The following GALNTL6 variants were observed in gnomAD, a reference collection of about 807,000 sequenced individuals.
GALNTL6 encodes polypeptide N-acetylgalactosaminyltransferase-like 6.
GALNTL6 carries 46 observed loss-of-function variants against 73.7 expected under a neutral mutation model. The ratio of observed to expected loss-of-function variants is 0.62; its 90% CI spans 0.49 to 0.80. The LOEUF (loss-of-function observed/expected upper bound fraction) is 0.80. GALNTL6 is among the 30% of genes least tolerant of loss of function. The pLI, the probability that GALNTL6 is intolerant of heterozygous loss-of-function variation, is 0.00. For synonymous variants in GALNTL6, 259 were observed against 263.7 expected (o/e 0.98, Z 0.17); for missense variants, 604 against 755.0 (o/e 0.80, Z 2.34).
chr4:172,211,883 C>T (rs1233708500), intron 2 of GALNTL6, among the ~76,000 whole-genome samples: 1 of 152,200 alleles, frequency 6.6e-6, no homozygotes, highest in Admixed American at 6.5e-5. Flanking sequence ...GTGAAAACTT[C>T]ATGACTTAAT....
intron 2 of GALNTL6, among the ~76,000 whole-genome samples, chr4:171,827,030 A>C (rs763712471): frequency 4.6e-5 from 7 of 152,154 alleles, no homozygotes; most frequent in Non-Finnish European, 8.8e-5. Context: ...AGTTTATTCA[A>C]ATGCAAAACT....
At chr4:173,013,245 T>A (rs1011577020) in intron 11 of GALNTL6, among the ~76,000 whole-genome samples, 1 of 152,168 alleles carries the variant, frequency 6.6e-6, no homozygotes, top group African/African-American at 2.4e-5. Context: ...TCGGTAAGGC[T>A]GGCATCTAGA....
chr4:172,572,717 A>G (rs1027556607), intron 5 of GALNTL6, among the ~76,000 whole-genome samples: 18 of 152,038 alleles, frequency 1.2e-4, no homozygotes, highest in East Asian at 3.9e-4. Context: ...ACATGTTGTT[A>G]TTTCATTTTT....
chr4:172,423,137 A>C (rs1223986858), intron 5 of GALNTL6, among the ~76,000 whole-genome samples: 5 of 151,546 alleles, frequency 3.3e-5, no homozygotes, highest in Non-Finnish European at 5.9e-5. Context: ...CTACATCTCC[A>C]CTCTAGTCTG....
At chr4:172,647,450 G>T (rs970128868) in intron 5 of GALNTL6, among the ~76,000 whole-genome samples, 1 of 151,924 alleles carries the variant, frequency 6.6e-6, no homozygotes, top group Admixed American at 6.6e-5. Context: ...GTGAGAGCAG[G>T]GTAAGAGTAA....
At chr4:172,117,177 C>T (rs2110990009) in intron 2 of GALNTL6, among the ~76,000 whole-genome samples, 1 of 152,274 alleles carries the variant, frequency 6.6e-6, no homozygotes, top group Middle Eastern at 3.4e-3. Context: ...GTAATTCTAA[C>T]TCTCACATCC....
intron 7 of GALNTL6, among the ~76,000 whole-genome samples, chr4:172,825,759 A>G (rs976068211): frequency 6.6e-6 from 1 of 152,220 alleles, no homozygotes; most frequent in African/African-American, 2.4e-5. Context: ...GGGAAACTGT[A>G]GGGGAAAGCT....
chr4:172,546,292 A>C (rs188324578), intron 5 of GALNTL6, among the ~76,000 whole-genome samples: 17 of 152,276 alleles, frequency 1.1e-4, no homozygotes, highest in Admixed American at 3.3e-4. Flanking sequence ...ACTTTTATTG[A>C]GGTCCTACAG....
At chr4:172,908,810 G>C (rs1747040135) in intron 8 of GALNTL6, among the ~76,000 whole-genome samples, 1 of 151,222 alleles carries the variant, frequency 6.6e-6, no homozygotes, top group African/African-American at 2.4e-5. Context: ...CACAAAAAAA[G>C]ACTTGAAAAA....
At chr4:172,347,530 G>A (rs1265718354) in intron 4 of GALNTL6, among the ~76,000 whole-genome samples, 1 of 152,198 alleles carries the variant, frequency 6.6e-6, no homozygotes, top group Admixed American at 6.5e-5. Flanking sequence ...AGAATCAATG[G>A]CTCTGCATAA....
chr4:172,028,178 TATAGTGATG>T (rs1401180390), intron 2 of GALNTL6, among the ~76,000 whole-genome samples: 2 of 151,938 alleles, frequency 1.3e-5, no homozygotes, highest in African/African-American at 4.8e-5. Context: ...TGATATATTA[TATAGTGATG>T]ATATAGAAAC....
intron 5 of GALNTL6, among the ~76,000 whole-genome samples, chr4:172,430,744 G>C (rs750262096): frequency 7.9e-5 from 12 of 152,062 alleles, no homozygotes; most frequent in Non-Finnish European, 1.3e-4. Flanking sequence ...GTTTGAGGCT[G>C]CAGTGAGCTC....
intron 2 of GALNTL6, among the ~76,000 whole-genome samples, chr4:172,130,941 C>T (rs1446028560): frequency 3.3e-5 from 5 of 152,086 alleles, no homozygotes; most frequent in Non-Finnish European, 7.4e-5. Flanking sequence ...TATGCACCCT[C>T]TATCTACTCC....
chr4:172,660,047 TCAA>T lies in GALNTL6; in HGVS notation c.554-149312_554-149310del, dbSNP rs75600264. Among the ~76,000 whole-genome samples, 248 of 152,370 alleles carry T rather than the reference TCAA, an allele frequency of 1.6e-3. 1 individual carries two copies. The highest frequency in any genetic ancestry group is 0.01 in the Admixed American group (157 of 15,310). The stretch of plus-strand genomic sequence containing the variant: ...TATTCTGCCTTCCATCACTTCAGCC[TCAA>T]CCTTTCCTTCCTCCCCTTCAATGTA... On this transcript the variant is annotated intron_variant, in intron 5 of 12. Transcript: ENST00000506823.
chr4:172,775,418 AAT>A (rs1739018107), intron 5 of GALNTL6, among the ~76,000 whole-genome samples: 1 of 152,320 alleles, frequency 6.6e-6, no homozygotes, highest in South Asian at 2.1e-4. Flanking sequence ...GCTGAAAGTT[AAT>A]GTTACTTTTA....
intron 2 of GALNTL6, among the ~76,000 whole-genome samples, chr4:171,923,827 T>TGTGTGTGTGTGTGTG (rs1560843047): frequency 1.5e-4 from 22 of 149,338 alleles, no homozygotes; most frequent in South Asian, 6.4e-4. Context: ...TGTGTGTGTG[T>TGTGTGTGTGTGTGTG]TTGAAGTTCT....
chr4:172,330,010 C>A (rs1307320129), intron 4 of GALNTL6, among the ~76,000 whole-genome samples: 1 of 152,198 alleles, frequency 6.6e-6, no homozygotes, highest in Non-Finnish European at 1.5e-5. Context: ...ATCTCAGGGA[C>A]GTATAACACT....
At chr4:172,696,775 T>A (rs1733721891) in intron 5 of GALNTL6, among the ~76,000 whole-genome samples, 1 of 152,210 alleles carries the variant, frequency 6.6e-6, no homozygotes, top group Admixed American at 6.5e-5. Flanking sequence ...CTGGTATGTC[T>A]TTATTAGCAG....
At chr4:172,206,814 GTTTGTTTTTT>G (rs1736140591) in intron 2 of GALNTL6, among the ~76,000 whole-genome samples, 9 of 57,996 alleles carry the variant, frequency 1.6e-4, no homozygotes, top group East Asian at 3.1e-3. Flanking sequence ...TGTTTTTTTT[GTTTGTTTTTT>G]TTTTTTTTTT....
Sources: gnomAD v4.1 joint callset for allele counts (sites outside exome capture counted in the v4.1 genomes callset) on GRCh38, gnomAD v4.1.1 for gene constraint, MANE v1.5 for transcripts, NCBI Gene and HGNC (gene_info 2026-07-23, HGNC 2026-07-21) for gene names.